Variants in GRIP1 observed in about 807,000 individuals in gnomAD.
The protein encoded by GRIP1 is glutamate receptor interacting protein 1, also known as glutamate receptor-interacting protein 1.
A neutral mutation model predicts 129.9 loss-of-function variants in GRIP1; 45 were observed. The ratio of observed to expected loss-of-function variants is 0.35; its 90% CI spans 0.27 to 0.44. The LOEUF (loss-of-function observed/expected upper bound fraction) is 0.44, where lower values mean the gene tolerates loss of function less well. Among genes scored for constraint, GRIP1 ranks in the 20% least tolerant of loss-of-function variants. The pLI, the probability that GRIP1 is intolerant of heterozygous loss-of-function variation, is 1.00. For missense variants in GRIP1, 1,196 were observed against 1,396.8 expected (o/e 0.86, Z 2.29); for synonymous variants, 530 against 520.8 (o/e 1.02, Z -0.24).
chr12:66,393,487 C>CTCCT (rs2056672887), intron 17 of GRIP1, among the ~76,000 whole-genome samples: 1 of 152,042 alleles, frequency 6.6e-6, no homozygotes, highest in African/African-American at 2.4e-5. Flanking sequence ...GAGCTAATTT[C>CTCCT]TAAGGTACAC....
intron 1 of GRIP1, among the ~76,000 whole-genome samples, chr12:66,630,775 A>C (rs1486011213): frequency 1.3e-5 from 2 of 152,174 alleles, no homozygotes; most frequent in African/African-American, 4.8e-5. Flanking sequence ...GATGTTTTCA[A>C]ATAGGTGAAA....
At chr12:66,684,171 C>A (rs191112169) in intron 1 of GRIP1, among the ~76,000 whole-genome samples, 125 of 152,298 alleles carry the variant, frequency 8.2e-4, no homozygotes, top group African/African-American at 2.9e-3. Flanking sequence ...GTAGGAAATA[C>A]AATTGTACAA....
At chr12:66,590,991 A>G (rs1944295061) in intron 2 of GRIP1, among the ~76,000 whole-genome samples, 1 of 152,196 alleles carries the variant, frequency 6.6e-6, no homozygotes, top group South Asian at 2.1e-4. Context: ...TTGCTTATTC[A>G]TTCATTCCAC....
upstream of GRIP1, among the ~76,000 whole-genome samples, chr12:66,681,459 A>G (rs2034580914): frequency 6.6e-6 from 1 of 152,162 alleles, no homozygotes; most frequent in Admixed American, 6.5e-5. Flanking sequence ...GAAGGTCTCA[A>G]ATGGCCAAGG....
intron 2 of GRIP1, among the ~76,000 whole-genome samples, chr12:66,580,306 C>A (rs1157346496): frequency 2.0e-5 from 3 of 150,556 alleles, no homozygotes; most frequent in Non-Finnish European, 3.0e-5. Flanking sequence ...CAAAATCATG[C>A]CAAAATGTAA....
intron 1 of GRIP1, among the ~76,000 whole-genome samples, chr12:67,000,014 T>C (rs1318947711): frequency 3.3e-5 from 5 of 152,180 alleles, no homozygotes; most frequent in African/African-American, 1.2e-4. Context: ...CTTTCTTGAT[T>C]TCAAAATCTT....
chr12:66,521,387 T>A (rs996144274), intron 5 of GRIP1, among the ~76,000 whole-genome samples: 2 of 152,240 alleles, frequency 1.3e-5, no homozygotes, highest in African/African-American at 4.8e-5. Context: ...CTTTGATGCA[T>A]ACATATTTAT....
At chr12:66,517,791 G>C (rs952165166) in intron 6 of GRIP1, 110 bp downstream of exon 6, 1 of 714,440 alleles carries the variant, frequency 1.4e-6, no homozygotes, top group African/African-American at 1.8e-5. Flanking sequence ...TAACATGTTT[G>C]CTTAATAGCT....
chr12:66,654,686 G>A (rs1445905580), intron 1 of GRIP1, among the ~76,000 whole-genome samples: 1 of 152,108 alleles, frequency 6.6e-6, no homozygotes, highest in African/African-American at 2.4e-5. Context: ...GAGGAGAGGA[G>A]GGCTGTGGGG....
intron 7 of GRIP1, among the ~76,000 whole-genome samples, chr12:66,487,720 T>C (rs1211547252): frequency 6.6e-6 from 1 of 152,218 alleles, no homozygotes; most frequent in African/African-American, 2.4e-5. Flanking sequence ...CCCATTGGTA[T>C]GCTCTGTTCA....
intron 1 of GRIP1, among the ~76,000 whole-genome samples, chr12:66,988,125 AT>A (rs1382889927): frequency 2.6e-5 from 4 of 152,208 alleles, no homozygotes; most frequent in Admixed American, 2.6e-4. Flanking sequence ...CTTCAAATCA[AT>A]AAGTAATTAA....
chr12:66,806,470 T>C (rs1039726458), upstream of GRIP1, among the ~76,000 whole-genome samples: 2 of 152,144 alleles, frequency 1.3e-5, no homozygotes, highest in Non-Finnish European at 2.9e-5. Context: ...AGGCAATAAA[T>C]TTTACGCAAC....
chr12:66,884,495 A>G (rs999298731), intron 1 of GRIP1, among the ~76,000 whole-genome samples: 1 of 152,248 alleles, frequency 6.6e-6, no homozygotes, highest in Non-Finnish European at 1.5e-5. Context: ...GATGTAAAGG[A>G]AAGCAACTTC....
chr12:66,578,232 G>GTTTTTTTTTTTTTT (rs547352236), intron 2 of GRIP1, among the ~76,000 whole-genome samples: 1,745 of 102,356 alleles, frequency 0.017, 90 homozygotes, highest in East Asian at 0.048. Flanking sequence ...CAAAACCGCG[G>GTTTTTTTTTTTTTT]TTTTTTTTTT....
Position 66,835,354 on chromosome 12 carries a change from G to A in GRIP1, c.58+233696C>T, listed in dbSNP as rs149754518. On this transcript the variant is annotated intron_variant, in intron 1 of 1. Transcript: ENST00000643019. ...GTATGAAAAAAAGTTGAAAACTTAT[G>A]TTCACATAAAAACCTGCACATGGAT... Among the ~76,000 whole-genome samples, 529 of 152,266 alleles carry A rather than the reference G, an allele frequency of 3.5e-3. 10 individuals are homozygous for A. The South Asian group carries it at 0.052, about 15-fold the overall frequency.
chr12:67,015,393 G>C (rs1445113121), intron 1 of GRIP1, among the ~76,000 whole-genome samples: 1 of 152,100 alleles, frequency 6.6e-6, no homozygotes, highest in African/African-American at 2.4e-5. Context: ...CCCCAAGAGG[G>C]GTTCTCTTGA....
intron 6 of GRIP1, among the ~76,000 whole-genome samples, chr12:66,516,419 A>C (rs542010888): frequency 6.6e-6 from 1 of 152,270 alleles, no homozygotes; most frequent in South Asian, 2.1e-4. Flanking sequence ...TCCCTGCCTC[A>C]GGGAGGGGCA....
intron 23 of GRIP1, among the ~76,000 whole-genome samples, chr12:66,356,765 C>G (rs2054509094): frequency 6.6e-6 from 1 of 152,186 alleles, no homozygotes; most frequent in Non-Finnish European, 1.5e-5. Flanking sequence ...CTTTCATAAA[C>G]TCCACATCAT....
At chr12:66,438,749 G>A (rs1409057647) in intron 13 of GRIP1, among the ~76,000 whole-genome samples, 2 of 152,060 alleles carry the variant, frequency 1.3e-5, no homozygotes, top group Non-Finnish European at 2.9e-5. Context: ...ACCCGCCTTG[G>A]CCTCCCAAAG....
Sources: gnomAD v4.1 joint callset for allele counts (sites outside exome capture counted in the v4.1 genomes callset) on GRCh38, gnomAD v4.1.1 for gene constraint, MANE v1.5 for transcripts, NCBI Gene and HGNC (gene_info 2026-07-23, HGNC 2026-07-21) for gene names.